Variants in RNF144A observed in about 807,000 individuals in gnomAD.
RNF144A encodes ring finger protein 144A, also known as E3 ubiquitin-protein ligase RNF144A.
RNF144A carries 11 observed loss-of-function variants against 38.7 expected under a neutral mutation model. The observed-to-expected ratio is 0.28, with a 90% CI of 0.18 to 0.47. The LOEUF is 0.47. RNF144A is among the 20% of genes least tolerant of loss of function. The probability of loss-of-function intolerance (pLI) is 0.99; values close to 1 mark genes in which losing one functional copy is unlikely to be tolerated. For missense variants in RNF144A, 316 were observed against 377.2 expected, an observed-to-expected ratio of 0.84 and a Z score of 1.34; for synonymous variants, 149 against 143.9, an observed-to-expected ratio of 1.04 and a Z score of -0.25.
In RNF144A at chr2:6,940,988, C is replaced by G. The variant is rs558254317; in HGVS notation, c.-171C>G. 3 of 152,538 alleles carry G rather than the reference C, an allele frequency of 2.0e-5. No individual in the cohort carries two copies. In the South Asian group the frequency reaches 6.2e-4, roughly 32 times the overall value. 9.4% of individuals were successfully genotyped at this position (152,538 alleles called of 1,614,324 possible). A position where few individuals can be genotyped will look rare whatever the true frequency, so the allele number is the denominator to read the frequency against. ...CTGACTCTGACATGCCCCCAGCCTCCCCCAGCTCTGCAGGGAGCCCTGGTG... is the reference window on the plus strand; with the variant it reads ...CTGACTCTGACATGCCCCCAGCCTCGCCCAGCTCTGCAGGGAGCCCTGGTG... On this transcript the variant is annotated 5_prime_UTR_variant, in exon 2 of 9. Coordinates refer to ENST00000320892, the MANE Select transcript of RNF144A (RefSeq NM_014746.6).
At chr2:6,991,276 T>C (rs901440557) in intron 2 of RNF144A, among the ~76,000 whole-genome samples, 3 of 152,126 alleles carry the variant, frequency 2.0e-5, no homozygotes, top group African/African-American at 7.2e-5. Context: ...CCAAGTACTT[T>C]CCTAAAGCGT....
intron 2 of RNF144A, among the ~76,000 whole-genome samples, chr2:6,956,259 A>C (rs1220250437): frequency 2.0e-5 from 3 of 150,846 alleles, no homozygotes; most frequent in Non-Finnish European, 4.4e-5. Flanking sequence ...GGGGTGGGGG[A>C]TAAGGTGCAC....
At chr2:6,971,835 C>A (rs976908626) in intron 2 of RNF144A, among the ~76,000 whole-genome samples, 2 of 152,106 alleles carry the variant, frequency 1.3e-5, no homozygotes, top group African/African-American at 4.8e-5. Context: ...TTCAGTGGGA[C>A]CTGGGATATT....
At chr2:6,954,652 A>G (rs1459929575) in intron 2 of RNF144A, among the ~76,000 whole-genome samples, 1 of 152,084 alleles carries the variant, frequency 6.6e-6, no homozygotes, top group Non-Finnish European at 1.5e-5. Flanking sequence ...GAAGATGGGA[A>G]CTCTCCACTG....
At chr2:7,057,887 C>A (rs2103477469) in intron 6 of RNF144A, among the ~76,000 whole-genome samples, 1 of 152,218 alleles carries the variant, frequency 6.6e-6, no homozygotes, top group South Asian at 2.1e-4. Flanking sequence ...ATGTAGTCAG[C>A]AAAGAGGCAG....
intron 2 of RNF144A, among the ~76,000 whole-genome samples, chr2:6,957,550 G>A (rs923668673): frequency 7.2e-5 from 11 of 152,154 alleles, no homozygotes; most frequent in African/African-American, 2.7e-4. Flanking sequence ...CTGCATAGAG[G>A]CTGCTGTGGG....
At chr2:7,016,155 A>T (rs1193489547) in intron 5 of RNF144A, among the ~76,000 whole-genome samples, 5 of 150,582 alleles carry the variant, frequency 3.3e-5, no homozygotes, top group Non-Finnish European at 7.4e-5. Context: ...TAGCCCACTT[A>T]AAAAAAAACT....
At chr2:6,997,126 C>A in intron 3 of RNF144A, 65 bp downstream of exon 3, 1 of 1,532,080 alleles carries the variant, frequency 6.5e-7, no homozygotes, top group Non-Finnish European at 9.0e-7. Flanking sequence ...CTTTCATTTG[C>A]AGAGACACTA....
At chr2:6,986,013 T>G (rs1358664550) in intron 2 of RNF144A, among the ~76,000 whole-genome samples, 1 of 152,156 alleles carries the variant, frequency 6.6e-6, no homozygotes, top group Non-Finnish European at 1.5e-5. Flanking sequence ...TTGAGATTGG[T>G]TCTCCTACCT....
At chr2:6,976,985 G>A (rs1668357186) in intron 2 of RNF144A, among the ~76,000 whole-genome samples, 1 of 152,002 alleles carries the variant, frequency 6.6e-6, no homozygotes, top group Admixed American at 6.5e-5. Flanking sequence ...ACATTTTCAT[G>A]CCTGCAATTA....
Position 6,921,701 on chromosome 2 carries a change from G to T in RNF144A, c.-212+4079G>T, listed in dbSNP as rs558185711. Reference sequence around the variant, plus strand: ...CCGTGGGGTCAGGGCAGCATGGGAGGTCAGGGCAGAGAGCAGTGGGACCCA... The same window carrying T: ...CCGTGGGGTCAGGGCAGCATGGGAGTTCAGGGCAGAGAGCAGTGGGACCCA... On this transcript the variant is annotated intron_variant, in intron 1 of 8. Coordinates refer to ENST00000320892, the MANE Select transcript of RNF144A (RefSeq NM_014746.6). Among the ~76,000 whole-genome samples the T allele has an allele frequency of 2.6e-5, 4 of 152,330 alleles. No homozygotes were observed. The South Asian group carries it at 8.3e-4, about 32-fold the overall frequency.
chr2:6,990,654 G>T (rs1269411306), intron 2 of RNF144A, among the ~76,000 whole-genome samples: 1 of 151,650 alleles, frequency 6.6e-6, no homozygotes, highest in Non-Finnish European at 1.5e-5. Flanking sequence ...TCCCAATGGG[G>T]GTTTGGGCTT....
intron 1 of RNF144A, among the ~76,000 whole-genome samples, chr2:6,919,819 C>T (rs994428326): frequency 6.6e-6 from 1 of 152,218 alleles, no homozygotes; most frequent in African/African-American, 2.4e-5. Context: ...ATGTCAGCAA[C>T]TCTGGAAGAG....
chr2:7,046,693 C>T (rs1414044358), downstream of RNF144A, among the ~76,000 whole-genome samples: 1 of 152,142 alleles, frequency 6.6e-6, no homozygotes, highest in Admixed American at 6.5e-5. Flanking sequence ...GAGAAACGAA[C>T]AGCTCACATC....
chr2:7,000,987 T>C (rs1383549512), intron 3 of RNF144A, among the ~76,000 whole-genome samples: 1 of 152,096 alleles, frequency 6.6e-6, no homozygotes, highest in Non-Finnish European at 1.5e-5. Context: ...TATATAACCG[T>C]AGAAAGTTGT....
At position 7,040,689 on chromosome 2, in the gene RNF144A, A is replaced by G. The variant is rs1672991636; in HGVS notation, c.*929A>G. ...TCTGGCCTCTGGCCTCAGTCTTCAG[A>G]TAGACAGTAAGAAGAAAGCAGCCTC... On this transcript the variant is annotated 3_prime_UTR_variant, in exon 9 of 9. Transcript: ENST00000320892. 9.1e-6 allele frequency: 9 copies of G among 985,366 alleles called. No individual in the cohort carries two copies. Among genetic ancestry groups the G allele is most frequent in the Admixed American group, 6.1e-5 (1 of 16,270 alleles). 61.0% of individuals were successfully genotyped at this position (985,366 alleles called of 1,614,324 possible).
downstream of RNF144A, among the ~76,000 whole-genome samples, chr2:7,070,528 C>G (rs72783761): frequency 6.6e-6 from 1 of 152,106 alleles, no homozygotes. Context: ...TGAAGTCCCC[C>G]CTCCCAGTAC....
chr2:6,954,623 A>G (rs1427738525), intron 2 of RNF144A, among the ~76,000 whole-genome samples: 1 of 152,246 alleles, frequency 6.6e-6, no homozygotes, highest in Non-Finnish European at 1.5e-5. Context: ...CTGTTTCATC[A>G]TTTGGATGGA....
chr2:6,958,331 G>A lies in RNF144A; in HGVS notation c.-12+17184G>A, dbSNP rs143100128. 4.9e-4 allele frequency among the ~76,000 whole-genome samples: 74 copies of A among 152,354 alleles called. No homozygotes were observed. Among genetic ancestry groups the A allele is most frequent in the African/African-American group, 1.5e-3 (62 of 41,592 alleles). Reference sequence around the variant, plus strand: ...CGTGCCAGAGACAGAACAGACACACGGACAAGGGCAAGCCTTCCTTGCTTT... The same window carrying A: ...CGTGCCAGAGACAGAACAGACACACAGACAAGGGCAAGCCTTCCTTGCTTT... On this transcript the variant is annotated intron_variant, in intron 2 of 8. Coordinates refer to ENST00000320892, the MANE Select transcript of RNF144A (RefSeq NM_014746.6). This position sits in a 1 kb window ranked among gnomAD's most constrained non-coding sequence, Gnocchi z 4.5.
Sources: gnomAD v4.1 joint callset for allele counts (sites outside exome capture counted in the v4.1 genomes callset) on GRCh38, gnomAD v4.1.1 for gene constraint, Gnocchi (gnomAD v3.1) non-coding constraint, MANE v1.5 for transcripts, NCBI Gene and HGNC (gene_info 2026-07-23, HGNC 2026-07-21) for gene names.